Variants in ADARB2 observed in about 807,000 individuals in gnomAD.
The protein encoded by ADARB2 is adenosine deaminase RNA specific B2 (inactive), also known as inactive double-stranded RNA-specific editase B2.
In ADARB2, 25 loss-of-function variants were observed where a neutral mutation model predicts 62.2. The observed-to-expected ratio is 0.40, with a 90% CI of 0.29 to 0.56. The LOEUF (loss-of-function observed/expected upper bound fraction) is 0.56, where lower values mean the gene tolerates loss of function less well. Ranked by LOEUF, ADARB2 falls within the 20% of genes least tolerant of loss-of-function variation. The probability of loss-of-function intolerance (pLI) is 0.43; values close to 1 mark genes in which losing one functional copy is unlikely to be tolerated. For synonymous variants in ADARB2, 572 were observed against 500.8 expected, an observed-to-expected ratio of 1.14 and a Z score of -1.90; for missense variants, 1,071 against 1,077.4, an observed-to-expected ratio of 0.99 and a Z score of 0.08.
chr10:1,221,998 T>G (rs2131759521), intron 6 of ADARB2, among the ~76,000 whole-genome samples: 1 of 152,354 alleles, frequency 6.6e-6, no homozygotes, highest in African/African-American at 2.4e-5. Context: ...CCACACTGAC[T>G]TCCACAATGG....
At chr10:1,364,913 C>T (rs1436149516) in intron 2 of ADARB2, among the ~76,000 whole-genome samples, 1 of 150,444 alleles carries the variant, frequency 6.6e-6, no homozygotes. Flanking sequence ...CACTCTGTTG[C>T]CCAGGCTGGA....
At chr10:1,263,158 C>A (rs1297630015) in intron 4 of ADARB2, among the ~76,000 whole-genome samples, 2 of 150,804 alleles carry the variant, frequency 1.3e-5, no homozygotes, top group African/African-American at 2.4e-5. Flanking sequence ...GGAGGGATAG[C>A]ATTAGGAGAT....
At chr10:1,211,308 C>T (rs1167410462) in intron 7 of ADARB2, among the ~76,000 whole-genome samples, 2 of 136,930 alleles carry the variant, frequency 1.5e-5, no homozygotes, top group African/African-American at 5.1e-5. Flanking sequence ...TATCATCTGT[C>T]ATCTTCATCT....
At chr10:1,247,498 C>A (rs1427548990) in intron 4 of ADARB2, among the ~76,000 whole-genome samples, 1 of 151,994 alleles carries the variant, frequency 6.6e-6, no homozygotes, top group Non-Finnish European at 1.5e-5. Flanking sequence ...TTTTGAGATA[C>A]GTCCCATTAA....
intron 3 of ADARB2, among the ~76,000 whole-genome samples, chr10:1,335,861 G>A (rs1831970840): frequency 6.6e-6 from 1 of 152,166 alleles, no homozygotes; most frequent in Admixed American, 6.5e-5. Context: ...TTAGAGAGAT[G>A]CCTGCGTTAC....
chr10:1,327,654 C>T (rs1423664087), intron 3 of ADARB2, among the ~76,000 whole-genome samples: 2 of 101,000 alleles, frequency 2.0e-5, no homozygotes, highest in East Asian at 2.6e-4. Context: ...CACTGCCCAG[C>T]GCCTCCGCAC....
chr10:1,525,817 GTGTGTGCGCA>G (rs1379803154), intron 1 of ADARB2, among the ~76,000 whole-genome samples: 1 of 152,104 alleles, frequency 6.6e-6, no homozygotes, highest in Non-Finnish European at 1.5e-5. Flanking sequence ...GAGCATGTAC[GTGTGTGCGCA>G]TGTGTATGTT....
rs777258791 is a variant in ADARB2 at position 1,363,824 on chromosome 10, G to A, written c.281C>T (p.Pro94Leu). The change falls in exon 3 of 10, where the codon CCC (proline) becomes CTC (leucine). Residue 94 changes from proline (P) to leucine (L), a missense_variant. Transcript: ENST00000381312. ...CAGCGGCCGCTTCCTCTTCGCGCCGGGCGCGCCGCCCCGGGCCCGGTCCCC... is the reference window on the plus strand; with the variant it reads ...CAGCGGCCGCTTCCTCTTCGCGCCGAGCGCGCCGCCCCGGGCCCGGTCCCC... ...PSGDRARGGAPGAKRKRPLEE... is the reference protein window; with the variant it reads ...PSGDRARGGALGAKRKRPLEE... 1.3e-6 allele frequency: 2 copies of A among 1,578,968 alleles called. No individual in the cohort carries two copies. The highest frequency in any genetic ancestry group is 1.7e-6 in the Non-Finnish European group (2 of 1,170,296).
chr10:1,190,354 G>A (rs1025790403), intron 8 of ADARB2, among the ~76,000 whole-genome samples: 1 of 150,704 alleles, frequency 6.6e-6, no homozygotes, highest in Non-Finnish European at 1.5e-5. Context: ...AATTAACCCT[G>A]TGGAACACTT....
chr10:1,707,174 C>T (rs1026258456), intron 1 of ADARB2, among the ~76,000 whole-genome samples: 14 of 152,240 alleles, frequency 9.2e-5, no homozygotes, highest in African/African-American at 3.1e-4. Context: ...CGCGGTGTCC[C>T]GGATTCCTGC....
Position 1,233,708 on chromosome 10 carries a change from T to C in ADARB2, c.1499A>G (p.Glu500Gly), listed in dbSNP as rs1830831470. 7 of 1,613,278 alleles carry C rather than the reference T, an allele frequency of 4.3e-6. No individual in the cohort carries two copies. Among genetic ancestry groups the C allele is most frequent in the Non-Finnish European group, 5.1e-6 (6 of 1,179,744 alleles). Residue 500 changes from glutamate (E) to glycine (G), a missense_variant, in exon 6 of 10, where the codon GAG becomes GGG. Coordinates refer to ENST00000381312, the MANE Select transcript of ADARB2 (RefSeq NM_018702.4). ...CGDARLHSPY[E>G]ITTDLHSSKH... ...TGGTCTCTTACGGTCTGTGGTGATC[T>C]CGTAGGGAGAGTGGAGTCTTGCGTC... is the stretch of plus-strand genomic sequence containing the variant.
intron 4 of ADARB2, among the ~76,000 whole-genome samples, chr10:1,253,695 C>A (rs915966825): frequency 1.3e-5 from 2 of 152,154 alleles, no homozygotes; most frequent in African/African-American, 2.4e-5. Flanking sequence ...TGTAGGGACA[C>A]CTTCTCAGAG....
chr10:1,477,701 G>A lies in ADARB2; in HGVS notation c.101-98541C>T, dbSNP rs995291465. 2.6e-5 allele frequency among the ~76,000 whole-genome samples: 4 copies of A among 152,288 alleles called. No homozygotes were observed. The South Asian group carries it at 6.2e-4, about 24-fold the overall frequency. ...GCGCCTCTTTCCAGACGATAGGCGG[G>A]GTGCTTAATTTTCAGAGAATGCCTT... On this transcript the variant is annotated intron_variant, in intron 1 of 9. Coordinates refer to ENST00000381312, the MANE Select transcript of ADARB2 (RefSeq NM_018702.4). This position sits in a 1 kb window ranked among gnomAD's most constrained non-coding sequence, Gnocchi z 4.5.
intron 7 of ADARB2, among the ~76,000 whole-genome samples, chr10:1,207,643 A>G (rs1304404402): frequency 1.3e-5 from 2 of 152,186 alleles, no homozygotes; most frequent in Non-Finnish European, 2.9e-5. Context: ...GCTAAAATTT[A>G]GGTTTAGAAA....
intron 1 of ADARB2, among the ~76,000 whole-genome samples, chr10:1,715,134 G>A (rs906229097): frequency 6.6e-6 from 1 of 151,742 alleles, no homozygotes; most frequent in African/African-American, 2.4e-5. Context: ...TCTCTCTGTG[G>A]TGTGACATCC....
intron 1 of ADARB2, among the ~76,000 whole-genome samples, chr10:1,461,809 G>A (rs1348210841): frequency 6.6e-6 from 1 of 152,042 alleles, no homozygotes; most frequent in Admixed American, 6.6e-5. Flanking sequence ...AGACCATCCT[G>A]GCCAACATGG....
chr10:1,380,917 T>G (rs182000043), intron 1 of ADARB2, among the ~76,000 whole-genome samples: 172 of 152,348 alleles, frequency 1.1e-3, no homozygotes, highest in East Asian at 2.7e-3. Flanking sequence ...ATTACATTTT[T>G]AATAAAGTAG....
At chr10:1,293,842 G>A (rs1361399892) in intron 3 of ADARB2, among the ~76,000 whole-genome samples, 1 of 152,060 alleles carries the variant, frequency 6.6e-6, no homozygotes, top group Non-Finnish European at 1.5e-5. Flanking sequence ...AACCTTTTCA[G>A]CAGAAAGTCC....
chr10:1,518,520 G>A (rs964423086), intron 1 of ADARB2, among the ~76,000 whole-genome samples: 1 of 152,240 alleles, frequency 6.6e-6, no homozygotes, highest in Non-Finnish European at 1.5e-5. Flanking sequence ...TGTAACATCT[G>A]CATGTAGTGT....
Sources: gnomAD v4.1 joint callset for allele counts (sites outside exome capture counted in the v4.1 genomes callset) on GRCh38, gnomAD v4.1.1 for gene constraint, Gnocchi (gnomAD v3.1) non-coding constraint, MANE v1.5 for transcripts, NCBI Gene and HGNC (gene_info 2026-07-23, HGNC 2026-07-21) for gene names.